The following PLCZ1 variants were observed in gnomAD, a reference collection of about 807,000 sequenced individuals.
PLCZ1 encodes 1-phosphatidylinositol 4,5-bisphosphate phosphodiesterase zeta-1.
A neutral mutation model predicts 76.8 loss-of-function variants in PLCZ1; 64 were observed. The ratio of observed to expected loss-of-function variants is 0.83; its 90% CI spans 0.68 to 1.03. The LOEUF (loss-of-function observed/expected upper bound fraction) is 1.03, where lower values mean the gene tolerates loss of function less well. Ranked by LOEUF, PLCZ1 falls within the 50% of genes least tolerant of loss-of-function variation. The pLI is 0.00. For synonymous variants in PLCZ1, 248 were observed against 230.8 expected (o/e 1.07, Z -0.68); for missense variants, 751 against 713.7 (o/e 1.05, Z -0.60).
In PLCZ1 at chr12:18,684,285, A is replaced by G; in HGVS notation, c.1592-6T>C. ...ATTCCATCTTGGACTAAAAGCTGAA[A>G]TATAAAAAAAGAAGATACAAAGAAT... On this transcript the variant is annotated splice_region_variant and splice_polypyrimidine_tract_variant and intron_variant, in intron 13 of 14. Transcript: ENST00000266505. 6.3e-7 allele frequency: 1 copy of G among 1,597,212 alleles called. No homozygotes were observed. The highest frequency in any genetic ancestry group is 8.6e-7 in the Non-Finnish European group (1 of 1,166,954).
intron 3 of PLCZ1, among the ~76,000 whole-genome samples, chr12:18,731,992 A>AT (rs1387663213): frequency 6.6e-6 from 1 of 152,118 alleles, no homozygotes; most frequent in South Asian, 2.1e-4. Flanking sequence ...TTCCTTCTTG[A>AT]TTTTTTAAAT....
intron 4 of PLCZ1, among the ~76,000 whole-genome samples, chr12:18,721,661 G>T (rs1016952769): frequency 2.0e-5 from 3 of 150,864 alleles, no homozygotes; most frequent in Non-Finnish European, 2.9e-5. Flanking sequence ...GACATAAAGA[G>T]CTTGAGCCAG....
At chr12:18,689,132 C>T (rs1953663206) in intron 12 of PLCZ1, among the ~76,000 whole-genome samples, 3 of 152,058 alleles carry the variant, frequency 2.0e-5, no homozygotes, top group Admixed American at 2.0e-4. Flanking sequence ...CATAATTAGA[C>T]ATCAAAGTAA....
At chr12:18,679,170 T>C (rs1189648610), downstream of PLCZ1, among the ~76,000 whole-genome samples, 3 of 152,096 alleles carry the variant, frequency 2.0e-5, no homozygotes, top group Non-Finnish European at 4.4e-5. Flanking sequence ...TTTTTCTTAC[T>C]GGGTTGTCAT....
intron 6 of PLCZ1, among the ~76,000 whole-genome samples, chr12:18,707,447 G>C (rs1956740091): frequency 6.6e-6 from 1 of 152,114 alleles, no homozygotes; most frequent in African/African-American, 2.4e-5. Context: ...CATCTTGTGG[G>C]AAGATCCTCT....
At chr12:18,704,607 A>G (rs1308032739) in intron 7 of PLCZ1, among the ~76,000 whole-genome samples, 1 of 152,090 alleles carries the variant, frequency 6.6e-6, no homozygotes, top group Non-Finnish European at 1.5e-5. Context: ...GATTACAGGC[A>G]TGAGTCACTG....
chr12:18,684,160 A>G lies in PLCZ1; in HGVS notation c.1711T>C (p.Tyr571His), dbSNP rs1952744836. Residue 571 changes from tyrosine (Y) to histidine (H), a missense_variant, in exon 14 of 15, where the codon TAT becomes CAT. Tyr to His is a moderately conservative substitution (Grantham distance 83). Transcript: ENST00000266505. ...TTCATGCATAGAAGTGGCAAAGTAT[A>G]TTGCCCAAGAAATTCATTTCCTGCT... ...LIAGNEFLGQ[Y>H]TLPLLCMNKG... 1 of 1,611,912 alleles carries G rather than the reference A, an allele frequency of 6.2e-7. No homozygotes were observed. Among genetic ancestry groups the G allele is most frequent in the Non-Finnish European group, 8.5e-7 (1 of 1,178,790 alleles).
At chr12:18,663,263 T>C in the PLCZ1 span, among the ~76,000 whole-genome samples, 1 of 152,180 alleles carries the variant, frequency 6.6e-6, no homozygotes, top group African/African-American at 2.4e-5. Flanking sequence ...GACATCTAAA[T>C]TTGAAAAGAA....
At chr12:18,668,149 G>A in the PLCZ1 span, among the ~76,000 whole-genome samples, 8,629 of 152,066 alleles carry the variant, frequency 0.057, 633 homozygotes, top group African/African-American at 0.17. Flanking sequence ...GTCTCATAGG[G>A]ACTAGCAGGT....
At chr12:18,656,787 G>A in the PLCZ1 span, among the ~76,000 whole-genome samples, 1 of 151,962 alleles carries the variant, frequency 6.6e-6, no homozygotes, top group Non-Finnish European at 1.5e-5. Flanking sequence ...TATACAGGCA[G>A]AAACGGTCAG....
At chr12:18,682,812 G>C (rs1224503345), downstream of PLCZ1, among the ~76,000 whole-genome samples, 2 of 151,978 alleles carry the variant, frequency 1.3e-5, no homozygotes, top group African/African-American at 4.8e-5. Flanking sequence ...CAGAGGGCCT[G>C]GCAATCTAAT....
At chr12:18,650,748 A>G in the PLCZ1 span, among the ~76,000 whole-genome samples, 21,792 of 78,390 alleles carry the variant, frequency 0.28, 2,973 homozygotes, top group East Asian at 0.39. Flanking sequence ...ATATATATAT[A>G]TATATATATA....
chr12:18,687,598 C>T (rs1478529595), intron 13 of PLCZ1, among the ~76,000 whole-genome samples: 1 of 152,088 alleles, frequency 6.6e-6, no homozygotes, highest in Non-Finnish European at 1.5e-5. Flanking sequence ...TCCCTTATGG[C>T]AAAAATGACT....
At chr12:18,671,659 T>G in the PLCZ1 span, among the ~76,000 whole-genome samples, 179 of 152,226 alleles carry the variant, frequency 1.2e-3, 1 homozygote, top group African/African-American at 4.2e-3. Context: ...AAAAAAAAAT[T>G]TCATTATTGC....
At chr12:18,650,969 A>G in the PLCZ1 span, among the ~76,000 whole-genome samples, 1 of 151,506 alleles carries the variant, frequency 6.6e-6, no homozygotes. Context: ...CAACACAGCA[A>G]TGGGAATGGT....
At chr12:18,698,186 G>A (rs966459080) in intron 10 of PLCZ1, among the ~76,000 whole-genome samples, 2 of 151,648 alleles carry the variant, frequency 1.3e-5, no homozygotes, top group African/African-American at 4.9e-5. Flanking sequence ...TCACATGCAC[G>A]ATGCACAATT....
chr12:18,650,712 CTATATATATATATATATATATA>C, the PLCZ1 span, among the ~76,000 whole-genome samples: 13 of 14,618 alleles, frequency 8.9e-4, no homozygotes, highest in South Asian at 3.5e-3. Context: ...GTGTATATAT[CTATATATATATATATATATATA>C]TATATATATA....
At chr12:18,687,570 T>G (rs1953355569) in intron 13 of PLCZ1, among the ~76,000 whole-genome samples, 2 of 152,154 alleles carry the variant, frequency 1.3e-5, no homozygotes, top group African/African-American at 4.8e-5. Flanking sequence ...CCAAAGTTAT[T>G]TCCCTTAATT....
intron 6 of PLCZ1, among the ~76,000 whole-genome samples, chr12:18,710,083 AG>A (rs923958720): frequency 4.4e-4 from 67 of 151,262 alleles, no homozygotes; most frequent in African/African-American, 1.2e-3. Context: ...TTTTACATAC[AG>A]GATTATGTCA....
Sources: allele counts gnomAD v4.1 joint callset (sites outside exome capture counted in the v4.1 genomes callset), GRCh38; gene constraint gnomAD v4.1.1; transcripts MANE v1.5; gene names NCBI Gene and HGNC (gene_info 2026-07-23, HGNC 2026-07-21).